CMTM4: variants seen among roughly 807,000 people sequenced by gnomAD.
The protein encoded by CMTM4 is CKLF like MARVEL transmembrane domain containing 4.
In CMTM4, 8 loss-of-function variants were observed where a neutral mutation model predicts 19.0. The observed-to-expected ratio is 0.42, with a 90% CI of 0.25 to 0.76. The LOEUF (loss-of-function observed/expected upper bound fraction) is 0.76. Among genes scored for constraint, CMTM4 ranks in the 30% least tolerant of loss-of-function variants. The pLI is 0.27. For synonymous variants in CMTM4, 106 were observed against 121.1 expected (o/e 0.88, Z 0.82); for missense variants, 228 against 290.2 (o/e 0.79, Z 1.56).
chr16:66,621,050 T>G lies in CMTM4; in HGVS notation c.*1008A>C, dbSNP rs1403417522. 3 of 985,764 alleles carry G rather than the reference T, an allele frequency of 3.0e-6. No individual in the cohort carries two copies. In the East Asian group the frequency reaches 3.4e-4, roughly 112 times the overall value. The allele number at this position is 985,764 out of a possible 1,614,324, so 61.1% of individuals were successfully genotyped here. On this transcript the variant is annotated 3_prime_UTR_variant, in exon 4 of 4. Coordinates refer to ENST00000394106, the MANE Select transcript of CMTM4 (RefSeq NM_181521.3). ...TGGAAGGGTGTGTTCTGGTGCAAAT[T>G]CAAGTATTTTCAAATCCTAGACGAA... is the stretch of plus-strand genomic sequence containing the variant.
chr16:66,645,598 C>G (rs1567414111), intron 1 of CMTM4, among the ~76,000 whole-genome samples: 1 of 151,726 alleles, frequency 6.6e-6, no homozygotes, highest in East Asian at 1.9e-4. Flanking sequence ...AAAACTGTAA[C>G]TGTGCACACC....
chr16:66,634,401 C>T (rs1311905978), intron 2 of CMTM4, among the ~76,000 whole-genome samples: 1 of 151,632 alleles, frequency 6.6e-6, no homozygotes, highest in Non-Finnish European at 1.5e-5. Flanking sequence ...GATCACGCCA[C>T]TGCACTCCAG....
intron 1 of CMTM4, among the ~76,000 whole-genome samples, chr16:66,637,241 C>A (rs1388895384): frequency 1.3e-5 from 2 of 152,136 alleles, no homozygotes; most frequent in Non-Finnish European, 2.9e-5. Flanking sequence ...AAGAAATCTA[C>A]CAATAATAGA....
At chr16:66,612,470 C>G (rs899159851), downstream of CMTM4, 1 of 788,912 alleles carries the variant, frequency 1.3e-6, no homozygotes, top group Non-Finnish European at 2.1e-6. This position sits in a 1 kb window ranked among gnomAD's most constrained non-coding sequence, Gnocchi z 6.0. Context: ...TGCCAGCGAT[C>G]ACTGGGAACG....
Position 66,685,838 on chromosome 16 carries a change from T to G in CMTM4, c.186+10502A>C, listed in dbSNP as rs559054397. On this transcript the variant is annotated intron_variant, in intron 1 of 3. Transcript: ENST00000394106. ...TTTTGTATTTTTAGTAGAGATCTTG[T>G]TTCACCACGTTACCCAGGCTGGTCT... is the stretch of plus-strand genomic sequence containing the variant. Among the ~76,000 whole-genome samples, 492 of 152,228 alleles carry G rather than the reference T, an allele frequency of 3.2e-3. 2 individuals carry two copies. The highest frequency in any genetic ancestry group is 0.011 in the African/African-American group (461 of 41,564).
At position 66,621,496 on chromosome 16, in the gene CMTM4, G is replaced by A. The variant is rs1222336532; in HGVS notation, c.*562C>T. 3.0e-6 allele frequency: 3 copies of A among 986,038 alleles called. No individual in the cohort carries two copies. The African/African-American group carries it at 5.2e-5, about 17-fold the overall frequency. 61.1% of individuals were successfully genotyped at this position (986,038 alleles called of 1,614,324 possible). A position where few individuals can be genotyped will look rare whatever the true frequency, so the allele number is the denominator to read the frequency against. On this transcript the variant is annotated 3_prime_UTR_variant, in exon 4 of 4. Transcript: ENST00000394106. ...AAGGTCACCCTTCCTTGAGTCAGAG[G>A]TCCCTGGGAGCCATCCTAACAGGAC...
chr16:66,671,334 A>G (rs1383024280), intron 1 of CMTM4, among the ~76,000 whole-genome samples: 1 of 152,202 alleles, frequency 6.6e-6, no homozygotes, highest in African/African-American at 2.4e-5. Flanking sequence ...GGATGGAAGG[A>G]GACCTGTAAG....
At chr16:66,686,671 G>T (rs1038032764) in intron 1 of CMTM4, among the ~76,000 whole-genome samples, 2 of 152,020 alleles carry the variant, frequency 1.3e-5, no homozygotes, top group Non-Finnish European at 2.9e-5. Context: ...GTACTTGTGG[G>T]TAAGCATACT....
the CMTM4 span, among the ~76,000 whole-genome samples, chr16:66,598,915 C>T: frequency 6.6e-6 from 1 of 151,848 alleles, no homozygotes; most frequent in African/African-American, 2.4e-5. Context: ...CTGAAGGATC[C>T]TTTAAACCCA....
At chr16:66,684,987 T>C (rs1489695811) in intron 1 of CMTM4, among the ~76,000 whole-genome samples, 1 of 152,228 alleles carries the variant, frequency 6.6e-6, no homozygotes, top group Non-Finnish European at 1.5e-5. Context: ...TGCATGTTAC[T>C]TCTCTTGTAC....
intron 1 of CMTM4, among the ~76,000 whole-genome samples, chr16:66,651,437 G>A (rs564973384): frequency 6.6e-5 from 10 of 152,276 alleles, no homozygotes; most frequent in African/African-American, 2.4e-4. Context: ...GCATCAATAA[G>A]GTAAGGAAGC....
chr16:66,662,347 C>A (rs762189770), intron 1 of CMTM4, among the ~76,000 whole-genome samples: 1 of 152,142 alleles, frequency 6.6e-6, no homozygotes, highest in Non-Finnish European at 1.5e-5. Context: ...CCAGCTTAGA[C>A]TCTAAGGAGC....
At position 66,621,331 on chromosome 16, in the gene CMTM4, T is replaced by C; in HGVS notation, c.*727A>G. ...AAATCTGCAATTCAGCCTCAAAGTATTTAGGGTAGGCAGGAAACTGGAAAA... is the reference window on the plus strand; with the variant it reads ...AAATCTGCAATTCAGCCTCAAAGTACTTAGGGTAGGCAGGAAACTGGAAAA... On this transcript the variant is annotated 3_prime_UTR_variant, in exon 4 of 4. Coordinates refer to ENST00000394106, the MANE Select transcript of CMTM4 (RefSeq NM_181521.3). 1 of 985,636 alleles carries C rather than the reference T, an allele frequency of 1.0e-6. No individual in the cohort carries two copies. The highest frequency in any genetic ancestry group is 1.2e-6 in the Non-Finnish European group (1 of 829,922). The allele number at this position is 985,636 out of a possible 1,614,324, so 61.1% of individuals were successfully genotyped here.
intron 1 of CMTM4, among the ~76,000 whole-genome samples, chr16:66,683,960 A>G (rs952504300): frequency 2.6e-5 from 4 of 152,168 alleles, no homozygotes; most frequent in Non-Finnish European, 4.4e-5. Flanking sequence ...GAGGGATGAG[A>G]GAATAAACCC....
At chr16:66,649,773 C>A (rs1425283447) in intron 1 of CMTM4, among the ~76,000 whole-genome samples, 1 of 152,184 alleles carries the variant, frequency 6.6e-6, no homozygotes, top group Non-Finnish European at 1.5e-5. Context: ...CTCACTGGCA[C>A]TCGTCTGCTG....
chr16:66,603,633 C>A, the CMTM4 span, among the ~76,000 whole-genome samples: 1 of 152,148 alleles, frequency 6.6e-6, no homozygotes, highest in Non-Finnish European at 1.5e-5. Context: ...TGGCAAAGCA[C>A]CCTATGAAAT....
intron 1 of CMTM4, among the ~76,000 whole-genome samples, chr16:66,652,191 G>A (rs1230131959): frequency 6.6e-6 from 1 of 152,208 alleles, no homozygotes; most frequent in Non-Finnish European, 1.5e-5. Flanking sequence ...GGGTCAAAGG[G>A]AGAGGCTTCC....
In CMTM4 at chr16:66,628,214, G is replaced by A. The variant is rs923709279; in HGVS notation, c.364-4712C>T. On this transcript the variant is annotated intron_variant, in intron 2 of 3. Transcript: ENST00000394106. Reference sequence around the variant, plus strand: ...ATCAGGTTTTATACCGAGACATTCCGTTCCCAGGGGCAGGCAGGAGACAGT... The same window carrying A: ...ATCAGGTTTTATACCGAGACATTCCATTCCCAGGGGCAGGCAGGAGACAGT... Among the ~76,000 whole-genome samples the A allele has an allele frequency of 5.9e-5, 9 of 152,294 alleles. No individual in the cohort carries two copies. The East Asian group carries it at 7.7e-4, about 13-fold the overall frequency.
chr16:66,604,860 C>G, the CMTM4 span: 8 of 1,389,882 alleles, frequency 5.8e-6, no homozygotes, highest in African/African-American at 4.5e-5. Flanking sequence ...CGGCGGCTCC[C>G]GTCCCGGCCC....
Sources: allele counts gnomAD v4.1 joint callset (sites outside exome capture counted in the v4.1 genomes callset), GRCh38; gene constraint gnomAD v4.1.1; non-coding constraint Gnocchi (gnomAD v3.1); transcripts MANE v1.5; gene names NCBI Gene and HGNC (gene_info 2026-07-23, HGNC 2026-07-21).